Variants in SCAMP1 observed in about 807,000 individuals in gnomAD.
The protein encoded by SCAMP1 is secretory carrier membrane protein 1, also known as secretory carrier-associated membrane protein 1.
Under a neutral mutation model 41.8 loss-of-function variants are expected in SCAMP1, and 15 were observed. That is an observed-to-expected ratio of 0.36 (90% CI 0.24 to 0.55). The LOEUF is 0.55. SCAMP1 is among the 20% of genes least tolerant of loss of function. The pLI is 0.86. For missense variants in SCAMP1, 341 were observed against 412.6 expected (o/e 0.83, Z 1.50); for synonymous variants, 135 against 136.8 (o/e 0.99, Z 0.09).
chr5:78,469,933 C>G (rs6868824), intron 8 of SCAMP1, among the ~76,000 whole-genome samples: 3 of 19,528 alleles, frequency 1.5e-4, no homozygotes, highest in African/African-American at 2.6e-4. Flanking sequence ...AAAAAAAAAA[C>G]AACAACACAG....
At chr5:78,431,003 AG>A (rs1457862994) in intron 6 of SCAMP1, among the ~76,000 whole-genome samples, 1 of 152,008 alleles carries the variant, frequency 6.6e-6, no homozygotes, top group African/African-American at 2.4e-5. Context: ...GTATGATCTA[AG>A]GACTCTTGGG....
At chr5:78,475,384 C>A in intron 8 of SCAMP1, 120 bp from the exon 9 acceptor site, 1 of 611,374 alleles carries the variant, frequency 1.6e-6, no homozygotes, top group Non-Finnish European at 2.6e-6. Context: ...TATTCTTGAT[C>A]TTAGGAATCA....
At chr5:78,456,954 C>T (rs1753422711) in intron 7 of SCAMP1, among the ~76,000 whole-genome samples, 1 of 135,076 alleles carries the variant, frequency 7.4e-6, no homozygotes, top group African/African-American at 3.0e-5. Context: ...ATTGCTGATA[C>T]CCTTTCTTCC....
chr5:78,442,840 T>G (rs1392508783), intron 6 of SCAMP1, among the ~76,000 whole-genome samples: 1 of 152,226 alleles, frequency 6.6e-6, no homozygotes, highest in Non-Finnish European at 1.5e-5. Flanking sequence ...GTTCTATTCC[T>G]TGATAATTAA....
intron 2 of SCAMP1, among the ~76,000 whole-genome samples, chr5:78,395,836 A>G (rs1218382976): frequency 2.0e-5 from 3 of 152,240 alleles, no homozygotes; most frequent in Non-Finnish European, 4.4e-5. Context: ...GAGGGAGTTT[A>G]TATAATGTAA....
At position 78,477,698 on chromosome 5, in the gene SCAMP1, C is replaced by T. The variant is rs1754037038; in HGVS notation, c.*2030C>T. On this transcript the variant is annotated 3_prime_UTR_variant, in exon 9 of 9. Transcript: ENST00000621999. ...AATAGCAAAGAATAATTAGAACCCA[C>T]ATATCTTTTTTTGTGTGGATGGGGA... 6.6e-6 allele frequency: 1 copy of T among 152,136 alleles called. No individual in the cohort carries two copies. Among genetic ancestry groups the T allele is most frequent in the Non-Finnish European group, 1.5e-5 (1 of 67,970 alleles). The allele number at this position is 152,136 out of a possible 1,614,324, so 9.4% of individuals were successfully genotyped here.
chr5:78,461,429 G>A lies in SCAMP1; in HGVS notation c.852+2067G>A, dbSNP rs144781251. On this transcript the variant is annotated intron_variant, in intron 8 of 8. Coordinates refer to ENST00000621999, the MANE Select transcript of SCAMP1 (RefSeq NM_004866.6). ...TTACCCAGCACCATTTATTGAATAGGGTGTCCTTTCCCCATTGTTCATTAT... is the reference window on the plus strand; with the variant it reads ...TTACCCAGCACCATTTATTGAATAGAGTGTCCTTTCCCCATTGTTCATTAT... Among the ~76,000 whole-genome samples the A allele has an allele frequency of 8.7e-3, 1,325 of 152,232 alleles. 15 individuals carry two copies. The highest frequency in any genetic ancestry group is 0.03 in the African/African-American group (1,251 of 41,520).
chr5:78,432,381 C>A (rs1156490371), intron 6 of SCAMP1, among the ~76,000 whole-genome samples: 2 of 151,986 alleles, frequency 1.3e-5, no homozygotes, highest in Non-Finnish European at 2.9e-5. Context: ...TTTGGTAGAA[C>A]AGGTCTGCTA....
chr5:78,456,446 T>G (rs901671578), intron 7 of SCAMP1, among the ~76,000 whole-genome samples: 1 of 151,970 alleles, frequency 6.6e-6, no homozygotes, highest in Admixed American at 6.6e-5. Context: ...ACTTATGAAG[T>G]TTAGTTTGGC....
At chr5:78,437,639 A>T (rs1580694926) in intron 6 of SCAMP1, among the ~76,000 whole-genome samples, 1 of 152,202 alleles carries the variant, frequency 6.6e-6, no homozygotes, top group African/African-American at 2.4e-5. Flanking sequence ...GGATTTTTGC[A>T]TCGATGTTCA....
At chr5:78,410,929 C>T (rs1752060242) in intron 2 of SCAMP1, among the ~76,000 whole-genome samples, 1 of 151,894 alleles carries the variant, frequency 6.6e-6, no homozygotes, top group Non-Finnish European at 1.5e-5. Flanking sequence ...TATGTTGGCC[C>T]CATGAATGTC....
chr5:78,374,555 A>G (rs1580645035), intron 1 of SCAMP1, among the ~76,000 whole-genome samples: 1 of 152,114 alleles, frequency 6.6e-6, no homozygotes, highest in African/African-American at 2.4e-5. Context: ...AAGCTAAGAA[A>G]CTAGAATTTC....
intron 1 of SCAMP1, among the ~76,000 whole-genome samples, chr5:78,365,489 A>G (rs1750772682): frequency 6.6e-6 from 1 of 151,612 alleles, no homozygotes; most frequent in African/African-American, 2.4e-5. Context: ...AAAAAAAAAA[A>G]AAAAAAAAAG....
At chr5:78,475,405 C>CT (rs1395976112) in intron 8 of SCAMP1, 99 bp from the exon 9 acceptor site, 38 of 784,414 alleles carry the variant, frequency 4.8e-5, no homozygotes, top group Non-Finnish European at 6.8e-5. Flanking sequence ...TGACTACAAT[C>CT]TAGTATTTTT....
intron 2 of SCAMP1, among the ~76,000 whole-genome samples, chr5:78,397,027 GT>G (rs1183075270): frequency 1.3e-5 from 2 of 151,964 alleles, no homozygotes; most frequent in African/African-American, 2.4e-5. Flanking sequence ...AGAGCAGAGA[GT>G]TTTTTTTAGG....
chr5:78,454,848 C>T (rs994642962), intron 7 of SCAMP1, among the ~76,000 whole-genome samples: 8 of 152,180 alleles, frequency 5.3e-5, no homozygotes, highest in African/African-American at 1.9e-4. Flanking sequence ...TTGATTATTG[C>T]CACAATTTCA....
chr5:78,403,404 A>T (rs1454187617), intron 2 of SCAMP1, among the ~76,000 whole-genome samples: 1 of 152,104 alleles, frequency 6.6e-6, no homozygotes, highest in East Asian at 1.9e-4. Flanking sequence ...ATATATATGT[A>T]TATATATACA....
At chr5:78,446,347 T>C (rs1217643213) in intron 6 of SCAMP1, among the ~76,000 whole-genome samples, 1 of 152,172 alleles carries the variant, frequency 6.6e-6, no homozygotes, top group Non-Finnish European at 1.5e-5. Context: ...TTCTAGAATG[T>C]GTCTAAGAAT....
chr5:78,426,439 C>T (rs1050718893), intron 6 of SCAMP1, among the ~76,000 whole-genome samples: 22 of 152,302 alleles, frequency 1.4e-4, no homozygotes, highest in Admixed American at 1.4e-3. Flanking sequence ...TTCTCCATGG[C>T]CTTGCCAGCA....
Sources: gnomAD v4.1 joint callset for allele counts (sites outside exome capture counted in the v4.1 genomes callset) on GRCh38, gnomAD v4.1.1 for gene constraint, MANE v1.5 for transcripts, NCBI Gene and HGNC (gene_info 2026-07-23, HGNC 2026-07-21) for gene names.